CEP162: variants seen among roughly 807,000 people sequenced by gnomAD.
CEP162 encodes centrosomal protein of 162 kDa.
Under a neutral mutation model 169.2 loss-of-function variants are expected in CEP162, and 141 were observed. The observed-to-expected ratio is 0.83, with a 90% CI of 0.73 to 0.96. The LOEUF is 0.96. CEP162 is among the 40% of genes least tolerant of loss of function. CEP162 has a pLI of 0.00. For synonymous variants in CEP162, 540 were observed against 526.4 expected (o/e 1.03, Z -0.35); for missense variants, 1,600 against 1,587.2 (o/e 1.01, Z -0.14).
At chr6:84,225,559 A>C (rs1393205655) in intron 2 of CEP162, among the ~76,000 whole-genome samples, 1 of 151,972 alleles carries the variant, frequency 6.6e-6, no homozygotes, top group Non-Finnish European at 1.5e-5. Flanking sequence ...TAATATACTC[A>C]TTCAAATATT....
intron 25 of CEP162, among the ~76,000 whole-genome samples, chr6:84,128,937 C>A (rs527273512): frequency 6.6e-6 from 1 of 151,172 alleles, no homozygotes; most frequent in African/African-American, 2.4e-5. Flanking sequence ...TGAGAACATG[C>A]GGTGTTTGGT....
intron 23 of CEP162, among the ~76,000 whole-genome samples, chr6:84,151,392 A>C (rs144272754): frequency 2.0e-5 from 3 of 152,186 alleles, no homozygotes; most frequent in African/African-American, 7.2e-5. Flanking sequence ...AACAGAGATA[A>C]AGCTGGGCTG....
chr6:84,148,017 CATCATG>C (rs1278669511), intron 24 of CEP162, among the ~76,000 whole-genome samples: 1 of 152,064 alleles, frequency 6.6e-6, no homozygotes, highest in African/African-American at 2.4e-5. Context: ...GGCACTATGG[CATCATG>C]ATACTACTTT....
Position 84,146,736 on chromosome 6 carries a change from T to C in CEP162, c.3821A>G (p.Gln1274Arg), listed in dbSNP as rs758844590. ...AACTTCAGAAACTACGAGAGACTCT[T>C]GTTTACTCTGCAGCTCATTAACTTG... ...QSQVNELQSK[Q>R]ESLVVSEVRE... Residue 1274 changes from glutamine to arginine, a missense_variant, in exon 25 of 27, where the codon CAA becomes CGA. By Grantham distance (43) the Gln-to-Arg change is conservative (BLOSUM62 1). Transcript: ENST00000403245. 1.5e-5 allele frequency: 24 copies of C among 1,585,664 alleles called. No individual in the cohort carries two copies. Among genetic ancestry groups the C allele is most frequent in the Non-Finnish European group, 2.1e-5 (24 of 1,164,960 alleles).
chr6:84,198,777 A>T (rs937684227), intron 9 of CEP162, among the ~76,000 whole-genome samples: 1 of 152,270 alleles, frequency 6.6e-6, no homozygotes, highest in African/African-American at 2.4e-5. Context: ...ACTATATATT[A>T]TCTCAGTTGA....
rs557500242 is a variant in CEP162, at chr6:84,223,327, T to C, written c.58-2156A>G. On this transcript the variant is annotated intron_variant, in intron 2 of 26. Coordinates refer to ENST00000403245, the MANE Select transcript of CEP162 (RefSeq NM_014895.4). ...CAGCCTGACCAACATGGTGAAACCA[T>C]GTCTCTACTAAAAATACAAAAATTA... Among the ~76,000 whole-genome samples, 525 of 150,506 alleles carry C rather than the reference T, an allele frequency of 3.5e-3. 3 individuals carry two copies. The highest frequency in any genetic ancestry group is 0.012 in the African/African-American group (482 of 41,038).
intron 2 of CEP162, among the ~76,000 whole-genome samples, chr6:84,222,738 T>C (rs2099554191): frequency 6.6e-6 from 1 of 152,188 alleles, no homozygotes; most frequent in South Asian, 2.1e-4. Flanking sequence ...AGTGACCTTT[T>C]AAACTTCTAA....
chr6:84,175,399 A>G (rs1359245), intron 13 of CEP162, 52 bp from the exon 14 acceptor site: 74,002 of 1,277,508 alleles, frequency 0.058, 3,957 homozygotes, highest in African/African-American at 0.26. Context: ...AGTTAAATGT[A>G]TACTCATCAA....
rs533533861 is a variant in CEP162 at position 84,163,309 on chromosome 6, A to C, written c.2386-39T>G. On this transcript the variant is annotated intron_variant, in intron 18 of 26. Transcript: ENST00000403245. ...AGAAATATAAAAGCAAGTTTTTTAC[A>C]ACCACAATAAATTGTGGTATAGTCT... is the stretch of plus-strand genomic sequence containing the variant. 8 of 1,451,156 alleles carry C rather than the reference A, an allele frequency of 5.5e-6. No individual in the cohort carries two copies. In the Admixed American group the frequency reaches 1.3e-4, roughly 23 times the overall value. The allele number at this position is 1,451,156 out of a possible 1,614,324, so 89.9% of individuals were successfully genotyped here. A position where few individuals can be genotyped will look rare whatever the true frequency, so the allele number is the denominator to read the frequency against.
intron 9 of CEP162, among the ~76,000 whole-genome samples, chr6:84,196,428 C>T (rs2099542174): frequency 6.6e-6 from 1 of 152,174 alleles, no homozygotes; most frequent in Admixed American, 6.5e-5. Context: ...TCTTTATCAA[C>T]AGCATGAAAA....
chr6:84,193,657 A>T lies in CEP162; in HGVS notation c.1061T>A (p.Ile354Asn). ...ACTGATCCCAAAGGAATCTATTCTG[A>T]TAGGTTTCATCAGCTCCTCTACTGT... ...LPTVEELMKP[I>N]RIDSFGISGF... Residue 354 changes from isoleucine (I) to asparagine (N), a missense_variant, in exon 11 of 27, where the codon ATC (isoleucine) becomes AAC (asparagine). Physicochemically the swap from Ile to Asn is moderately radical, Grantham distance 149. Transcript: ENST00000403245. The T allele has an allele frequency of 1.3e-6, 2 of 1,568,882 alleles. No individual in the cohort carries two copies. Among genetic ancestry groups the T allele is most frequent in the Non-Finnish European group, 1.7e-6 (2 of 1,155,524 alleles).
In CEP162 at chr6:84,212,987, C is replaced by G; in HGVS notation, c.541G>C (p.Glu181Gln). ...AGTTCTTCATGTTTCGATTCATTCT[C>G]ATGTTCGTCATCAGTTAGTTCTGCG... is the stretch of plus-strand genomic sequence containing the variant. The part of the protein sequence containing the change: ...ANAELTDDEH[E>Q]NESKHEELAE... The change falls in exon 6 of 27, where the codon GAG (glutamate) becomes CAG (glutamine). Residue 181 changes from glutamate to glutamine, a missense_variant. Physicochemically the swap from Glu to Gln is conservative, Grantham distance 29. Transcript: ENST00000403245. The G allele has an allele frequency of 6.4e-7, 1 of 1,554,990 alleles. No individual in the cohort carries two copies. Among genetic ancestry groups the G allele is most frequent in the East Asian group, 2.4e-5 (1 of 42,100 alleles).
chr6:84,155,186 A>T, intron 22 of CEP162, 112 bp downstream of exon 22: 1 of 835,370 alleles, frequency 1.2e-6, no homozygotes, highest in Non-Finnish European at 1.9e-6. Flanking sequence ...ACCAGTGGTA[A>T]AGGTTTCATG....
At chr6:84,208,140 C>T (rs1170330926) in intron 6 of CEP162, among the ~76,000 whole-genome samples, 2 of 150,442 alleles carry the variant, frequency 1.3e-5, no homozygotes, top group East Asian at 2.0e-4. Context: ...TTGCTGTTTT[C>T]CCAATCCTGA....
At chr6:84,185,577 T>C (rs2099536821) in intron 12 of CEP162, 129 bp from the exon 13 acceptor site, 4 of 768,456 alleles carry the variant, frequency 5.2e-6, no homozygotes, top group Admixed American at 3.0e-5. Context: ...CAAACTACCA[T>C]AGTTAAGTTC....
chr6:84,166,045 C>T (rs1174604537), intron 18 of CEP162, among the ~76,000 whole-genome samples: 2 of 152,138 alleles, frequency 1.3e-5, no homozygotes, highest in Admixed American at 1.3e-4. Context: ...GAACTGTAAA[C>T]ATCTTAAGTT....
chr6:84,188,539 A>G (rs896769341), intron 11 of CEP162, among the ~76,000 whole-genome samples: 1 of 152,122 alleles, frequency 6.6e-6, no homozygotes, highest in African/African-American at 2.4e-5. Context: ...AGCTTCATCC[A>G]TGTTGGTGCA....
chr6:84,169,312 T>C lies in CEP162; in HGVS notation c.2385+16A>G, dbSNP rs1253375251. 1 of 1,417,442 alleles carries C rather than the reference T, an allele frequency of 7.1e-7. No individual in the cohort carries two copies. Among genetic ancestry groups the C allele is most frequent in the Non-Finnish European group, 9.6e-7 (1 of 1,040,626 alleles). The allele number at this position is 1,417,442 out of a possible 1,614,324, so 87.8% of individuals were successfully genotyped here. On this transcript the variant is annotated intron_variant, in intron 18 of 26. Transcript: ENST00000403245. The stretch of plus-strand genomic sequence containing the variant: ...CCTTTATTATCCCTAATAGTCAAAA[T>C]CGTTATGCAACTTACCTGTGCCATC...
chr6:84,125,777 C>A (rs760491843), intron 26 of CEP162, among the ~76,000 whole-genome samples: 1 of 152,114 alleles, frequency 6.6e-6, no homozygotes, highest in African/African-American at 2.4e-5. Flanking sequence ...AAACCTCAAT[C>A]TGGGACTTCT....
Sources: allele counts gnomAD v4.1 joint callset (sites outside exome capture counted in the v4.1 genomes callset), GRCh38; gene constraint gnomAD v4.1.1; transcripts MANE v1.5; gene names NCBI Gene and HGNC (gene_info 2026-07-23, HGNC 2026-07-21).